The following NUAK1 variants were observed in gnomAD, a reference collection of about 807,000 sequenced individuals.
NUAK1 encodes the protein NUAK family kinase 1.
A neutral mutation model predicts 56.9 loss-of-function variants in NUAK1; 26 were observed. The ratio of observed to expected loss-of-function variants is 0.46; its 90% CI spans 0.33 to 0.63. NUAK1 has a LOEUF of 0.63. Among genes scored for constraint, NUAK1 ranks in the 30% least tolerant of loss-of-function variants. The pLI, the probability that NUAK1 is intolerant of heterozygous loss-of-function variation, is 0.02. For synonymous variants in NUAK1, 337 were observed against 336.0 expected, an observed-to-expected ratio of 1.00 and a Z score of -0.03; for missense variants, 727 against 876.1, an observed-to-expected ratio of 0.83 and a Z score of 2.15.
At chr12:106,128,190 T>C (rs1018467172) in intron 1 of NUAK1, among the ~76,000 whole-genome samples, 7 of 150,540 alleles carry the variant, frequency 4.6e-5, no homozygotes, top group Non-Finnish European at 1.0e-4. Flanking sequence ...GGAGTGCAAT[T>C]GTGCAATCTT....
At chr12:106,069,064 T>TTA (rs762142946) in intron 6 of NUAK1, among the ~76,000 whole-genome samples, 5 of 152,298 alleles carry the variant, frequency 3.3e-5, no homozygotes, top group African/African-American at 1.2e-4. Flanking sequence ...GTTGAAAAAA[T>TTA]TATATATAGA....
In NUAK1 at chr12:106,090,749, C is replaced by T. The variant is rs533180396; in HGVS notation, c.362-3864G>A. On this transcript the variant is annotated intron_variant, in intron 2 of 6. Coordinates refer to ENST00000261402, the MANE Select transcript of NUAK1 (RefSeq NM_014840.3). Reference sequence around the variant, plus strand: ...GCACGGTGCCCCGGCCAGTGCTCAACGAATGGAAGCTGTGCTCATAATTAC... The same window carrying T: ...GCACGGTGCCCCGGCCAGTGCTCAATGAATGGAAGCTGTGCTCATAATTAC... Among the ~76,000 whole-genome samples the T allele has an allele frequency of 3.3e-5, 5 of 152,286 alleles. No homozygotes were observed. The South Asian group carries it at 6.2e-4, about 19-fold the overall frequency.
At chr12:106,069,236 CA>C (rs1565917965) in intron 6 of NUAK1, among the ~76,000 whole-genome samples, 1 of 152,162 alleles carries the variant, frequency 6.6e-6, no homozygotes. Flanking sequence ...CACAGAGCAG[CA>C]AAAAGTTTGA....
chr12:106,100,161 C>T (rs2032733488), intron 2 of NUAK1, among the ~76,000 whole-genome samples: 3 of 151,340 alleles, frequency 2.0e-5, no homozygotes, highest in South Asian at 2.1e-4. Context: ...TGAGCCACCA[C>T]ACCCAGCCCT....
intron 1 of NUAK1, among the ~76,000 whole-genome samples, chr12:106,107,429 T>C (rs887360969): frequency 1.3e-5 from 2 of 151,902 alleles, no homozygotes; most frequent in Admixed American, 6.6e-5. Context: ...AGGAAGGGAG[T>C]ATCCACGGGT....
chr12:106,093,609 A>G (rs995935499), intron 2 of NUAK1, among the ~76,000 whole-genome samples: 2 of 152,218 alleles, frequency 1.3e-5, no homozygotes, highest in Non-Finnish European at 2.9e-5. Flanking sequence ...ATGAGTGAGG[A>G]GATCCTGGGA....
intron 4 of NUAK1, among the ~76,000 whole-genome samples, chr12:106,075,713 T>C (rs1434507245): frequency 6.6e-6 from 1 of 152,242 alleles, no homozygotes; most frequent in Non-Finnish European, 1.5e-5. Flanking sequence ...CAAATAATAA[T>C]GGAATTAAAT....
At chr12:106,070,938 C>G (rs1361827450) in intron 5 of NUAK1, 32 bp from the exon 6 acceptor site, 1 of 1,612,922 alleles carries the variant, frequency 6.2e-7, no homozygotes, top group Non-Finnish European at 8.5e-7. Context: ...TATAGGAGAG[C>G]TGGGAAACAG....
chr12:106,127,993 C>T (rs769375059), intron 1 of NUAK1, among the ~76,000 whole-genome samples: 1 of 152,076 alleles, frequency 6.6e-6, no homozygotes, highest in African/African-American at 2.4e-5. Flanking sequence ...TCTAAGAACT[C>T]GACATACAAT....
intron 5 of NUAK1, among the ~76,000 whole-genome samples, chr12:106,071,646 A>G (rs1157261974): frequency 2.6e-5 from 4 of 152,336 alleles, no homozygotes; most frequent in South Asian, 4.2e-4. Context: ...AGGTGGCCAA[A>G]TAAAGGAGTT....
Position 106,070,924 on chromosome 12 carries a change from C to T in NUAK1, c.700-18G>A. ...CTGTCCACCTGGAGCAGAGAGACAG[C>T]ACATATAGGAGAGCTGGGAAACAGA... On this transcript the variant is annotated intron_variant, in intron 5 of 6. Coordinates refer to ENST00000261402, the MANE Select transcript of NUAK1 (RefSeq NM_014840.3). 3.1e-6 allele frequency: 5 copies of T among 1,613,826 alleles called. No individual in the cohort carries two copies. The highest frequency in any genetic ancestry group is 4.2e-6 in the Non-Finnish European group (5 of 1,179,844).
At chr12:106,120,008 T>C (rs1284444335) in intron 1 of NUAK1, among the ~76,000 whole-genome samples, 1 of 152,158 alleles carries the variant, frequency 6.6e-6, no homozygotes, top group Non-Finnish European at 1.5e-5. Context: ...AGCTCTCTAT[T>C]ATAACTTATT....
At position 106,086,789 on chromosome 12, in the gene NUAK1, C is replaced by A. The variant is rs778565564; in HGVS notation, c.458G>T (p.Arg153Met). The A allele has an allele frequency of 6.2e-7, 1 of 1,614,166 alleles. No individual in the cohort carries two copies. Among genetic ancestry groups the A allele is most frequent in the Non-Finnish European group, 8.5e-7 (1 of 1,180,014 alleles). The change falls in exon 3 of 7, where the codon AGG becomes ATG. Residue 153 changes from arginine to methionine, a missense_variant. Physicochemically the swap from Arg to Met is moderately conservative, Grantham distance 91. Coordinates refer to ENST00000261402, the MANE Select transcript of NUAK1 (RefSeq NM_014840.3). ...YISERRRLSERETRHFFRQIV... is the reference protein window; with the variant it reads ...YISERRRLSEMETRHFFRQIV... ...CTGCCGGAAGAAGTGCCGGGTCTCCCTCTCACTGAGGCGTCGCCGCTCACT... is the reference window on the plus strand; with the variant it reads ...CTGCCGGAAGAAGTGCCGGGTCTCCATCTCACTGAGGCGTCGCCGCTCACT...
chr12:106,107,751 C>A (rs1431954652), intron 1 of NUAK1, among the ~76,000 whole-genome samples: 1 of 152,214 alleles, frequency 6.6e-6, no homozygotes, highest in African/African-American at 2.4e-5. Flanking sequence ...CCACCAAGCA[C>A]TACAAACAAA....
chr12:106,112,214 C>A (rs1173099112), intron 1 of NUAK1, among the ~76,000 whole-genome samples: 4 of 152,124 alleles, frequency 2.6e-5, no homozygotes, highest in Non-Finnish European at 5.9e-5. Flanking sequence ...CACGAGCTGG[C>A]AACTTCCCTG....
chr12:106,068,053 T>G lies in NUAK1; in HGVS notation c.833-98A>C, dbSNP rs191897974. 52 of 1,187,568 alleles carry G rather than the reference T, an allele frequency of 4.4e-5. No individual in the cohort carries two copies. In the African/African-American group the frequency reaches 7.8e-4, roughly 18 times the overall value. 73.6% of individuals were successfully genotyped at this position (1,187,568 alleles called of 1,614,324 possible). ...GGAGTGACGAAAGACACACACTCCC[T>G]CTAGGACAAATCCATCTGGAGACCT... On this transcript the variant is annotated intron_variant, in intron 6 of 6. Coordinates refer to ENST00000261402, the MANE Select transcript of NUAK1 (RefSeq NM_014840.3).
intron 2 of NUAK1, among the ~76,000 whole-genome samples, chr12:106,092,479 G>C (rs576831067): frequency 6.6e-6 from 1 of 151,818 alleles, no homozygotes; most frequent in African/African-American, 2.4e-5. Context: ...CCTGGTGACA[G>C]AGCGAGACTC....
At chr12:106,118,170 A>AC (rs900743040) in intron 1 of NUAK1, among the ~76,000 whole-genome samples, 2 of 152,088 alleles carry the variant, frequency 1.3e-5, no homozygotes, top group Non-Finnish European at 2.9e-5. Flanking sequence ...ATGGCCTCCC[A>AC]CCTATAGATA....
In NUAK1 at chr12:106,066,862, G is replaced by C; in HGVS notation, c.1926C>G (p.Asp642Glu). Residue 642 changes from aspartate to glutamate, a missense_variant, in exon 7 of 7, where the codon GAC (aspartate) becomes GAG (glutamate). Asp to Glu is a conservative substitution (Grantham distance 45). Transcript: ENST00000261402. ...TGTAGACCTGAGTCACATCATCCAT[G>C]TCTGTGAGGAGGGAGAAGCTGCTGT... ...LADSSFSLLT[D>E]MDDVTQVYKQ... 1 of 1,614,200 alleles carries C rather than the reference G, an allele frequency of 6.2e-7. No homozygotes were observed. The highest frequency in any genetic ancestry group is 8.5e-7 in the Non-Finnish European group (1 of 1,180,030).
Sources: allele counts gnomAD v4.1 joint callset (sites outside exome capture counted in the v4.1 genomes callset), GRCh38; gene constraint gnomAD v4.1.1; transcripts MANE v1.5; gene names NCBI Gene and HGNC (gene_info 2026-07-23, HGNC 2026-07-21).